Variants in ODAD2 observed in about 807,000 individuals in gnomAD.
The protein encoded by ODAD2 is outer dynein arm docking complex subunit 2.
A neutral mutation model predicts 106.8 loss-of-function variants in ODAD2; 89 were observed. The observed-to-expected ratio is 0.83, with a 90% CI of 0.70 to 0.99. The LOEUF (loss-of-function observed/expected upper bound fraction) is 0.99. Ranked by LOEUF, ODAD2 falls within the 50% of genes least tolerant of loss-of-function variation. ODAD2 has a pLI of 0.00. For synonymous variants in ODAD2, 404 were observed against 436.2 expected, an observed-to-expected ratio of 0.93 and a Z score of 0.92; for missense variants, 1,168 against 1,238.5, an observed-to-expected ratio of 0.94 and a Z score of 0.85.
chr10:27,994,823 CAG>C lies in ODAD2; in HGVS notation c.224+94_224+95del. The stretch of plus-strand genomic sequence containing the variant: ...CCTGGTTTAGAGGGCTTCTGAGGTT[CAG>C]AGAGGTTAGGTGACTTGCCCCCAAA... On this transcript the variant is annotated intron_variant, in intron 2 of 19. Coordinates refer to ENST00000305242, the MANE Select transcript of ODAD2 (RefSeq NM_018076.5). 2.9e-6 allele frequency: 4 copies of C among 1,356,452 alleles called. 1 individual carries two copies. In the South Asian group the frequency reaches 5.7e-5, roughly 19 times the overall value. The allele number at this position is 1,356,452 out of a possible 1,614,324, so 84.0% of individuals were successfully genotyped here. A position where few individuals can be genotyped will look rare whatever the true frequency, so the allele number is the denominator to read the frequency against.
At chr10:27,992,090 G>A (rs1187156918) in intron 2 of ODAD2, among the ~76,000 whole-genome samples, 10 of 152,154 alleles carry the variant, frequency 6.6e-5, no homozygotes. Context: ...GTCAAGACCT[G>A]GATGTTAAAG....
At position 27,971,247 on chromosome 10, in the gene ODAD2, C is replaced by A. The variant is rs771640361; in HGVS notation, c.1003G>T (p.Glu335Ter). ...ATGTCTTTGCGGAGGGCAGCTGCTT[C>A]TTCCTTCTTGGGGGCTTTGCCAAGC... ...DQLGKAPKKE[E>*]AAALRKDISG... is the part of the protein sequence containing the mutation. Residue 335 changes from glutamate to a stop codon, truncating the protein, a stop_gained, in exon 8 of 20, where the codon GAA (glutamate) becomes TAA (stop). Transcript: ENST00000305242. LOFTEE classifies it high-confidence loss of function. 4.5e-5 allele frequency: 72 copies of A among 1,613,780 alleles called. No individual in the cohort carries two copies. Among genetic ancestry groups the A allele is most frequent in the Non-Finnish European group, 5.6e-5 (66 of 1,179,894 alleles).
intron 16 of ODAD2, among the ~76,000 whole-genome samples, chr10:27,909,375 T>C (rs533668181): frequency 7.9e-5 from 12 of 152,300 alleles, no homozygotes; most frequent in East Asian, 3.9e-4. Context: ...AAACAAGTTA[T>C]AGACAAAATT....
At position 27,936,823 on chromosome 10, in the gene ODAD2, A is replaced by C; in HGVS notation, c.2155T>G (p.Leu719Val). ...TCAGTGTTATTGAGTAGACTGGCCA[A>C]GGGCTTAAGTCCTCCGTGCAGCCTA... ...LVRLHGGLKP[L>V]ASLLNNTDNK... The change falls in exon 15 of 20, where the codon TTG becomes GTG. Residue 719 changes from leucine (L) to valine (V), a missense_variant. By Grantham distance (32) the Leu-to-Val change is conservative (BLOSUM62 1). This residue lies in a region of ODAD2 where 701 missense variants were observed against 712.3 expected (regional missense o/e 0.98). Coordinates refer to ENST00000305242, the MANE Select transcript of ODAD2 (RefSeq NM_018076.5). The C allele has an allele frequency of 1.2e-6, 2 of 1,613,998 alleles. No homozygotes were observed. The highest frequency in any genetic ancestry group is 1.7e-6 in the Non-Finnish European group (2 of 1,179,934).
At chr10:27,935,389 A>C in intron 15 of ODAD2, 137 bp from the exon 16 acceptor site, 1 of 1,183,872 alleles carries the variant, frequency 8.4e-7, no homozygotes, top group South Asian at 1.6e-5. Flanking sequence ...GTTAATCTGA[A>C]GCTTGGTAAA....
At chr10:27,880,167 G>C in intron 17 of ODAD2, among the ~76,000 whole-genome samples, 1 of 152,054 alleles carries the variant, frequency 6.6e-6, no homozygotes, top group East Asian at 1.9e-4. Context: ...TACAGGCCAG[G>C]ACTCCCCTGT....
At chr10:27,911,750 T>C (rs1055926104) in intron 16 of ODAD2, among the ~76,000 whole-genome samples, 1 of 152,182 alleles carries the variant, frequency 6.6e-6, no homozygotes, top group Non-Finnish European at 1.5e-5. Flanking sequence ...GCACTCCCTT[T>C]TCCTGCCCCT....
At chr10:27,867,823 C>A (rs1840554512) in intron 17 of ODAD2, among the ~76,000 whole-genome samples, 1 of 151,926 alleles carries the variant, frequency 6.6e-6, no homozygotes, top group Admixed American at 6.6e-5. Flanking sequence ...GTGGCGTGAA[C>A]CTGTAATCCC....
At chr10:27,907,498 A>G (rs923923284) in intron 17 of ODAD2, among the ~76,000 whole-genome samples, 165 bp downstream of exon 17, 16 of 152,144 alleles carry the variant, frequency 1.1e-4, no homozygotes, top group Admixed American at 9.2e-4. Flanking sequence ...ACTGACCAGA[A>G]AAAAAGCAAT....
chr10:27,858,743 C>T (rs936346810), intron 19 of ODAD2, among the ~76,000 whole-genome samples: 4 of 151,388 alleles, frequency 2.6e-5, no homozygotes, highest in African/African-American at 4.9e-5. Flanking sequence ...GAAATAATTG[C>T]GAGTTGCATA....
At chr10:27,817,773 T>C (rs1000850810) in intron 19 of ODAD2, among the ~76,000 whole-genome samples, 15 of 152,176 alleles carry the variant, frequency 9.9e-5, no homozygotes, top group African/African-American at 3.4e-4. Flanking sequence ...ATCTTTGCTA[T>C]TGTGAATAGT....
chr10:27,958,959 C>T lies in ODAD2; in HGVS notation c.1386+2609G>A, dbSNP rs764760402. 3.8e-6 allele frequency: 5 copies of T among 1,303,758 alleles called. No homozygotes were observed. In the South Asian group the frequency reaches 6.2e-5, roughly 16 times the overall value. The allele number at this position is 1,303,758 out of a possible 1,614,324, so 80.8% of individuals were successfully genotyped here. ...CCATCTTTTGTTTCTGCCATTTTGACTTGTTTCCTTTTGCTAATGAAATAA... is the reference window on the plus strand; with the variant it reads ...CCATCTTTTGTTTCTGCCATTTTGATTTGTTTCCTTTTGCTAATGAAATAA... On this transcript the variant is annotated intron_variant, in intron 10 of 19. Coordinates refer to ENST00000305242, the MANE Select transcript of ODAD2 (RefSeq NM_018076.5).
At chr10:27,880,631 G>T (rs933635441) in intron 17 of ODAD2, among the ~76,000 whole-genome samples, 1 of 152,110 alleles carries the variant, frequency 6.6e-6, no homozygotes, top group Admixed American at 6.5e-5. Flanking sequence ...TATAAAAGAG[G>T]CTACACATAG....
chr10:27,930,146 C>T (rs951754764), intron 16 of ODAD2, among the ~76,000 whole-genome samples: 1 of 151,740 alleles, frequency 6.6e-6, no homozygotes, highest in African/African-American at 2.4e-5. Context: ...TTCTTTTACT[C>T]CTATCCAGGC....
chr10:27,926,247 T>C (rs933889273), intron 16 of ODAD2, among the ~76,000 whole-genome samples: 8 of 152,092 alleles, frequency 5.3e-5, no homozygotes, highest in African/African-American at 1.7e-4. Context: ...CCATAAACCA[T>C]AGTTTATCAA....
chr10:27,847,783 A>C (rs1241243405), intron 19 of ODAD2, among the ~76,000 whole-genome samples: 2 of 152,130 alleles, frequency 1.3e-5, no homozygotes, highest in African/African-American at 4.8e-5. Context: ...AATAACAGAC[A>C]AACAGAGAGC....
chr10:27,829,350 T>C (rs1837302941), intron 19 of ODAD2, among the ~76,000 whole-genome samples: 1 of 152,184 alleles, frequency 6.6e-6, no homozygotes, highest in Admixed American at 6.5e-5. Context: ...AGTGAAAGAT[T>C]CTTTTGGTCC....
chr10:27,932,877 C>A (rs538824661), intron 16 of ODAD2, among the ~76,000 whole-genome samples: 62 of 152,170 alleles, frequency 4.1e-4, no homozygotes, highest in African/African-American at 1.5e-3. Flanking sequence ...GTAATCCCCA[C>A]GACAGCAGGA....
chr10:27,861,811 C>T (rs1392943038), intron 18 of ODAD2, among the ~76,000 whole-genome samples: 1 of 152,138 alleles, frequency 6.6e-6, no homozygotes, highest in Admixed American at 6.5e-5. Flanking sequence ...ACTTGGTGTC[C>T]TTAACTGAAT....
Sources: gnomAD v4.1 joint callset for allele counts (sites outside exome capture counted in the v4.1 genomes callset) on GRCh38, gnomAD v4.1.1 for gene constraint, gnomAD v4.1.1 regional missense constraint, MANE v1.5 for transcripts, NCBI Gene and HGNC (gene_info 2026-07-23, HGNC 2026-07-21) for gene names.